DMD: variants seen among roughly 807,000 people sequenced by gnomAD.
The protein encoded by DMD is mutant dystrophin.
DMD carries 63 observed loss-of-function variants against 330.1 expected under a neutral mutation model. The ratio of observed to expected loss-of-function variants is 0.19; its 90% CI spans 0.16 to 0.24. DMD has a LOEUF of 0.24. Among genes scored for constraint, DMD ranks in the 10% least tolerant of loss-of-function variants. The pLI, the probability that DMD is intolerant of heterozygous loss-of-function variation, is 1.00. For synonymous variants in DMD, 1,223 were observed against 959.8 expected (o/e 1.27, Z -5.07); for missense variants, 3,344 against 2,684.1 (o/e 1.25, Z -5.43).
At chrX:32,342,355 C>G (rs2097748163) in intron 40 of DMD, 73 bp from the exon 41 acceptor site, 8 of 1,085,753 alleles carry the variant, frequency 7.4e-6, no homozygotes, top group Non-Finnish European at 1.0e-5. Context: ...GCAGCAAATA[C>G]TTCTCTCAAA....
At chrX:32,821,710 C>G (rs1375646929) in intron 5 of DMD, among the ~76,000 whole-genome samples, 2 of 111,368 alleles carry the variant, frequency 1.8e-5, no homozygotes, top group Non-Finnish European at 3.8e-5. Flanking sequence ...AGAAGCCAGA[C>G]ACAAAAGAAC....
rs1254164861 is a variant in DMD at position 31,679,464 on chromosome X, C to A, written c.7783G>T (p.Val2595Phe). ...WLEAKEEAEQVLGQARAKLES... is the reference protein window; with the variant it reads ...WLEAKEEAEQFLGQARAKLES... ...AGCTTGGCTCTGGCCTGTCCTAAGA[C>A]CTGCTCAGCTTCTTCCTTAGCTTCC... The change falls in exon 53 of 79, where the codon GTC (valine) becomes TTC (phenylalanine). Residue 2595 changes from valine to phenylalanine, a missense_variant. Val to Phe is a conservative substitution (Grantham distance 50). Coordinates refer to ENST00000357033, the MANE Select transcript of DMD (RefSeq NM_004006.3). 1.7e-6 allele frequency: 2 copies of A among 1,211,946 alleles called. No homozygotes were observed. Among genetic ancestry groups the A allele is most frequent in the Non-Finnish European group, 1.1e-6 (1 of 895,487 alleles).
chrX:33,053,391 C>T (rs1247358743), intron 1 of DMD, among the ~76,000 whole-genome samples: 3 of 110,216 alleles, frequency 2.7e-5, no homozygotes, highest in Admixed American at 1.9e-4. Context: ...GTCAGGAGTT[C>T]GAGACCAGCC....
chrX:31,419,917 A>G (rs2063274131), intron 60 of DMD, among the ~76,000 whole-genome samples: 1 of 111,903 alleles, frequency 8.9e-6, no homozygotes, highest in African/African-American at 3.3e-5. Flanking sequence ...TGTATTATTA[A>G]TAGTTCTACC....
intron 1 of DMD, among the ~76,000 whole-genome samples, chrX:33,119,041 C>G (rs1336597626): frequency 8.9e-6 from 1 of 112,204 alleles, no homozygotes; most frequent in Non-Finnish European, 1.9e-5. Context: ...CTACTTCACA[C>G]ATCCACTGTT....
At chrX:31,724,204 C>A (rs1327761098) in intron 52 of DMD, among the ~76,000 whole-genome samples, 1 of 112,154 alleles carries the variant, frequency 8.9e-6, no homozygotes, top group Non-Finnish European at 1.9e-5. Flanking sequence ...AAATAAGCAA[C>A]CATCTAATAG....
At chrX:31,420,477 T>C (rs1352490598) in intron 60 of DMD, among the ~76,000 whole-genome samples, 1 of 112,674 alleles carries the variant, frequency 8.9e-6, no homozygotes. Flanking sequence ...TTATTACCTC[T>C]ACAAGTAGGA....
rs375618396 is a variant in DMD, at chrX:31,344,742, C to T, written c.9163+3814G>A. ...GCGTATTCCTGTAATCCCAGCTACTCGGGAGGCTGAGTCATGAGAATCGCT... is the reference window on the plus strand; with the variant it reads ...GCGTATTCCTGTAATCCCAGCTACTTGGGAGGCTGAGTCATGAGAATCGCT... On this transcript the variant is annotated intron_variant, in intron 61 of 78. Coordinates refer to ENST00000357033, the MANE Select transcript of DMD (RefSeq NM_004006.3). Among the ~76,000 whole-genome samples the T allele has an allele frequency of 6.7e-4, 74 of 109,905 alleles. No homozygotes were observed. In the South Asian group the frequency reaches 1.0e-2, roughly 15 times the overall value.
chrX:31,815,892 A>G (rs1177575421), intron 50 of DMD, among the ~76,000 whole-genome samples: 1 of 111,734 alleles, frequency 8.9e-6, no homozygotes, highest in Non-Finnish European at 1.9e-5. Flanking sequence ...TGAGAATACC[A>G]TGTAATGAAG....
chrX:31,178,498 G>A (rs749040646), intron 70 of DMD, 171 bp downstream of exon 70: 74 of 972,446 alleles, frequency 7.6e-5, no homozygotes, highest in Middle Eastern at 6.5e-4. Context: ...GTCAAGTGAC[G>A]TGGGAAAGTG....
intron 61 of DMD, among the ~76,000 whole-genome samples, chrX:31,333,286 C>T (rs982992576): frequency 9.1e-6 from 1 of 110,388 alleles, no homozygotes; most frequent in African/African-American, 3.3e-5. Flanking sequence ...TAAATTTTTA[C>T]ATAACCAAGC....
chrX:31,171,197 T>C (rs972683009), intron 73 of DMD, among the ~76,000 whole-genome samples: 1 of 111,954 alleles, frequency 8.9e-6, no homozygotes, highest in Non-Finnish European at 1.9e-5. Flanking sequence ...GAAAGGCTTT[T>C]TTGTTTGTTT....
chrX:31,785,365 T>C (rs949148890), intron 50 of DMD, among the ~76,000 whole-genome samples: 1 of 112,214 alleles, frequency 8.9e-6, no homozygotes, highest in Non-Finnish European at 1.9e-5. Flanking sequence ...ATCTGTTGAA[T>C]AACAATGTAT....
intron 1 of DMD, among the ~76,000 whole-genome samples, chrX:33,141,802 G>C (rs912630190): frequency 2.7e-5 from 3 of 111,402 alleles, no homozygotes; most frequent in African/African-American, 9.8e-5. Context: ...ACCAAGCAGT[G>C]AATCCACAAA....
chrX:32,934,038 C>A (rs943037854), intron 2 of DMD, among the ~76,000 whole-genome samples: 2 of 111,510 alleles, frequency 1.8e-5, no homozygotes, highest in Non-Finnish European at 1.9e-5. Context: ...TAACAAAATC[C>A]ACTTCTTGAT....
intron 1 of DMD, among the ~76,000 whole-genome samples, chrX:33,228,926 T>C (rs148580822): frequency 0.044 from 4,919 of 110,901 alleles, 248 homozygotes; most frequent in African/African-American, 0.15. Flanking sequence ...AAATGTGTAG[T>C]TTTATCTCAC....
chrX:33,272,836 A>C (rs1345936314), intron 1 of DMD, among the ~76,000 whole-genome samples: 1 of 111,618 alleles, frequency 9.0e-6, no homozygotes, highest in East Asian at 2.8e-4. Context: ...TAAAAAGAGA[A>C]AGATTAGAAA....
chrX:33,067,537 T>A (rs939952783), intron 1 of DMD, among the ~76,000 whole-genome samples: 3 of 112,335 alleles, frequency 2.7e-5, no homozygotes, highest in Non-Finnish European at 3.8e-5. Flanking sequence ...CTAGTGAACA[T>A]ATGATGTTAA....
chrX:31,464,974 T>G (rs2066755619), intron 59 of DMD, among the ~76,000 whole-genome samples: 1 of 112,229 alleles, frequency 8.9e-6, no homozygotes, highest in South Asian at 3.7e-4. Context: ...TAAACGAAGG[T>G]TCTGTTTGCC....
Sources: allele counts gnomAD v4.1 joint callset (sites outside exome capture counted in the v4.1 genomes callset), GRCh38; gene constraint gnomAD v4.1.1; transcripts MANE v1.5; gene names NCBI Gene and HGNC (gene_info 2026-07-23, HGNC 2026-07-21).